MICAL2: variants seen among roughly 807,000 people sequenced by gnomAD.
MICAL2 encodes [F-actin]-monooxygenase MICAL2.
A neutral mutation model predicts 127.3 loss-of-function variants in MICAL2; 77 were observed. The observed-to-expected ratio is 0.60, with a 90% CI of 0.50 to 0.73. The LOEUF is 0.73. Ranked by LOEUF, MICAL2 falls within the 30% of genes least tolerant of loss-of-function variation. MICAL2 has a pLI of 0.00. For synonymous variants in MICAL2, 570 were observed against 551.1 expected (o/e 1.03, Z -0.48); for missense variants, 1,351 against 1,434.4 (o/e 0.94, Z 0.94).
chr11:12,301,795 G>T (rs1864050260), intron 29 of MICAL2, among the ~76,000 whole-genome samples: 1 of 152,172 alleles, frequency 6.6e-6, no homozygotes, highest in Non-Finnish European at 1.5e-5. Flanking sequence ...TCAGAATTCT[G>T]TCTTTCCACA....
At chr11:12,258,101 G>A (rs551060446) in intron 24 of MICAL2, among the ~76,000 whole-genome samples, 7 of 152,162 alleles carry the variant, frequency 4.6e-5, no homozygotes, top group Non-Finnish European at 1.0e-4. Context: ...GGATGCAGAG[G>A]AGCAGCCAGA....
At position 12,162,595 on chromosome 11, in the gene MICAL2, G is replaced by C. The variant is rs533888504; in HGVS notation, c.264+176G>C. ...TCTAAGCATCAGCTTTTCCTGGCTG[G>C]GAGGTTCCCTCCACTCGTGCCCTCT... is the stretch of plus-strand genomic sequence containing the variant. On this transcript the variant is annotated intron_variant, in intron 3 of 27. Transcript: ENST00000683283. Among the ~76,000 whole-genome samples, 179 of 152,302 alleles carry C rather than the reference G, an allele frequency of 1.2e-3. No homozygotes were observed. The Middle Eastern group carries it at 0.017, about 14-fold the overall frequency.
At chr11:12,195,279 C>T (rs1859749234) in intron 3 of MICAL2, among the ~76,000 whole-genome samples, 1 of 152,052 alleles carries the variant, frequency 6.6e-6, no homozygotes, top group Non-Finnish European at 1.5e-5. Flanking sequence ...AAAACCAAAA[C>T]AAAACCTTGA....
At chr11:12,254,077 A>T (rs1441655689) in intron 22 of MICAL2, 1 of 152,162 alleles carries the variant, frequency 6.6e-6, no homozygotes, top group East Asian at 1.9e-4. Context: ...CACCCAGGAA[A>T]TCCCAGGGGC....
At chr11:12,257,769 T>C (rs185342616) in intron 24 of MICAL2, among the ~76,000 whole-genome samples, 154 of 152,342 alleles carry the variant, frequency 1.0e-3, no homozygotes, top group African/African-American at 3.5e-3. Flanking sequence ...CATTCCTATG[T>C]AAGTGTCCCC....
chr11:12,337,835 C>G (rs1383256647), intron 32 of MICAL2, among the ~76,000 whole-genome samples: 1 of 152,126 alleles, frequency 6.6e-6, no homozygotes, highest in African/African-American at 2.4e-5. Flanking sequence ...GTTATAATTT[C>G]TGTTCTTTTA....
chr11:12,178,826 G>T (rs55808186), intron 3 of MICAL2, among the ~76,000 whole-genome samples: 5,461 of 151,874 alleles, frequency 0.036, 234 homozygotes, highest in African/African-American at 0.11. Flanking sequence ...GGCTCAAGCA[G>T]TTCTACTGCC....
At chr11:12,327,954 C>T (rs979386462) in intron 32 of MICAL2, among the ~76,000 whole-genome samples, 1 of 152,046 alleles carries the variant, frequency 6.6e-6, no homozygotes, top group Non-Finnish European at 1.5e-5. Context: ...GGGCCAGTCA[C>T]ATTATAAACC....
At chr11:12,292,725 T>C (rs1351552806), downstream of MICAL2, among the ~76,000 whole-genome samples, 1 of 152,208 alleles carries the variant, frequency 6.6e-6, no homozygotes, top group East Asian at 1.9e-4. Context: ...AATGTCATCA[T>C]TGGTATGCAG....
At chr11:12,142,968 C>A (rs1590054606) in intron 2 of MICAL2, among the ~76,000 whole-genome samples, 1 of 152,328 alleles carries the variant, frequency 6.6e-6, no homozygotes, top group East Asian at 1.9e-4. Flanking sequence ...ATGCCAGGTC[C>A]TGGGCTTGGT....
intron 29 of MICAL2, among the ~76,000 whole-genome samples, chr11:12,299,746 C>A (rs1864025827): frequency 6.6e-6 from 1 of 152,174 alleles, no homozygotes; most frequent in African/African-American, 2.4e-5. Flanking sequence ...GCAAAATGCA[C>A]ATTTGTGTAA....
intron 2 of MICAL2, among the ~76,000 whole-genome samples, chr11:12,143,989 G>T (rs1852621344): frequency 6.6e-6 from 1 of 152,078 alleles, no homozygotes; most frequent in Non-Finnish European, 1.5e-5. Context: ...TCCTGGGCGT[G>T]GTTGTTCCTG....
intron 3 of MICAL2, among the ~76,000 whole-genome samples, chr11:12,181,802 C>T (rs1857515816): frequency 6.6e-6 from 1 of 152,254 alleles, no homozygotes; most frequent in Admixed American, 6.5e-5. Context: ...AACTGTCCCC[C>T]ATGCTGGGGA....
chr11:12,220,137 G>A (rs1224040497), intron 8 of MICAL2, 64 bp from the exon 9 acceptor site: 5 of 1,592,988 alleles, frequency 3.1e-6, no homozygotes, highest in Non-Finnish European at 4.3e-6. Context: ...TTTGCCAAGA[G>A]GTGGGTATGA....
intron 32 of MICAL2, among the ~76,000 whole-genome samples, chr11:12,347,452 C>T (rs1384607322): frequency 6.6e-6 from 1 of 152,096 alleles, no homozygotes; most frequent in Non-Finnish European, 1.5e-5. Context: ...GTACCTAAGG[C>T]AATACCAACA....
chr11:12,330,829 C>G (rs78612708), intron 32 of MICAL2, among the ~76,000 whole-genome samples: 5,223 of 64,754 alleles, frequency 0.081, 16 homozygotes, highest in Middle Eastern at 0.18. Context: ...GAGGGAGAGA[C>G]AGACAGAGAG....
intron 29 of MICAL2, among the ~76,000 whole-genome samples, chr11:12,316,579 T>C (rs950787640): frequency 6.6e-6 from 1 of 152,190 alleles, no homozygotes; most frequent in African/African-American, 2.4e-5. Flanking sequence ...ACATTTATAA[T>C]AGCTATTTCA....
At chr11:12,260,837 T>C (rs967690007) in intron 26 of MICAL2, 3 of 985,088 alleles carry the variant, frequency 3.0e-6, no homozygotes, top group Non-Finnish European at 3.6e-6. Flanking sequence ...TTAAAGGCTT[T>C]CCCCCCCATA....
In MICAL2 at chr11:12,124,259, G is replaced by A. The variant is rs1850733988; in HGVS notation, c.-149+13533G>A. Among the ~76,000 whole-genome samples the A allele has an allele frequency of 3.9e-5, 6 of 152,006 alleles. 1 individual carries two copies. In the South Asian group the frequency reaches 1.2e-3, roughly 32 times the overall value. On this transcript the variant is annotated intron_variant, in intron 1 of 27. Transcript: ENST00000683283. The stretch of plus-strand genomic sequence containing the variant: ...AGTCATGATAAATGCTTATCGAAGG[G>A]ACCCCTCTGTCACACTCCTGGAGAC...
Sources: gnomAD v4.1 joint callset for allele counts (sites outside exome capture counted in the v4.1 genomes callset) on GRCh38, gnomAD v4.1.1 for gene constraint, MANE v1.5 for transcripts, NCBI Gene and HGNC (gene_info 2026-07-23, HGNC 2026-07-21) for gene names.